The following PTPRD variants were observed in gnomAD, a reference collection of about 807,000 sequenced individuals.
PTPRD encodes protein tyrosine phosphatase receptor type D, also known as receptor-type tyrosine-protein phosphatase delta.
PTPRD carries 34 observed loss-of-function variants against 214.5 expected under a neutral mutation model. The observed-to-expected ratio is 0.16, with a 90% CI of 0.12 to 0.21. The LOEUF is 0.21. Ranked by LOEUF, PTPRD falls within the 10% of genes least tolerant of loss-of-function variation. PTPRD has a pLI of 1.00. For missense variants in PTPRD, 2,545 were observed against 2,398.7 expected, an observed-to-expected ratio of 1.06 and a Z score of -1.27; for synonymous variants, 1,128 against 845.7, an observed-to-expected ratio of 1.33 and a Z score of -5.79.
chr9:8,659,913 G>A (rs1390268265), intron 12 of PTPRD, among the ~76,000 whole-genome samples: 1 of 152,072 alleles, frequency 6.6e-6, no homozygotes, highest in Non-Finnish European at 1.5e-5. Flanking sequence ...ATTCACCAAT[G>A]AAGAATAAAT....
At position 8,633,419 on chromosome 9, in the gene PTPRD, T is replaced by A. The variant is rs529659376; in HGVS notation, c.250A>T (p.Ile84Leu). ...FDDGSGSVLRIQPLRTPRDEA... is the reference protein window; with the variant it reads ...FDDGSGSVLRLQPLRTPRDEA... The stretch of plus-strand genomic sequence containing the variant: ...TCCCTCGGAGTCCGTAAGGGTTGTA[T>A]TCTGAGAACTGATCCAGACCCATCG... The change falls in exon 14 of 46, where the codon ATA (isoleucine) becomes TTA (leucine). Residue 84 changes from isoleucine to leucine, a missense_variant. By Grantham distance (5) the Ile-to-Leu change is conservative (BLOSUM62 2). Transcript: ENST00000381196. The A allele has an allele frequency of 6.2e-7, 1 of 1,612,798 alleles. No individual in the cohort carries two copies. The highest frequency in any genetic ancestry group is 1.3e-5 in the African/African-American group (1 of 74,934).
At chr9:9,066,321 A>T (rs1569523758) in intron 10 of PTPRD, among the ~76,000 whole-genome samples, 1 of 152,070 alleles carries the variant, frequency 6.6e-6, no homozygotes, top group Non-Finnish European at 1.5e-5. Flanking sequence ...AGAATGTTTT[A>T]AAAAACATAT....
chr9:9,081,813 G>T (rs926012469), intron 10 of PTPRD, among the ~76,000 whole-genome samples: 2 of 149,336 alleles, frequency 1.3e-5, no homozygotes, highest in African/African-American at 2.5e-5. Context: ...GACTAGGATT[G>T]CAACTCCTGC....
intron 10 of PTPRD, among the ~76,000 whole-genome samples, chr9:9,082,362 G>C (rs1457364103): frequency 2.6e-5 from 4 of 152,032 alleles, no homozygotes; most frequent in African/African-American, 7.2e-5. Flanking sequence ...AATCACGTTT[G>C]TCTCAACAGA....
At position 9,967,458 on chromosome 9, in the gene PTPRD, T is replaced by C. The variant is rs2094783793; in HGVS notation, c.-471-28848A>G. The stretch of plus-strand genomic sequence containing the variant: ...TTAAGGATAGTGCAGAATCATTGGT[T>C]GAGAGAGGGAAGGAAGAAAACATTT... On this transcript the variant is annotated intron_variant, in intron 4 of 45. Transcript: ENST00000381196. 2.0e-5 allele frequency among the ~76,000 whole-genome samples: 3 copies of C among 152,148 alleles called. No individual in the cohort carries two copies. In the South Asian group the frequency reaches 6.2e-4, roughly 31 times the overall value.
chr9:9,395,995 C>T (rs2067659750), intron 9 of PTPRD, among the ~76,000 whole-genome samples: 3 of 151,976 alleles, frequency 2.0e-5, no homozygotes, highest in East Asian at 3.9e-4. Flanking sequence ...ATTTTGTTCA[C>T]TCACAAATTA....
chr9:9,096,232 G>A (rs939563848), intron 10 of PTPRD, among the ~76,000 whole-genome samples: 1 of 152,150 alleles, frequency 6.6e-6, no homozygotes, highest in Non-Finnish European at 1.5e-5. Flanking sequence ...AGCCACCGTT[G>A]CCACAAAATG....
chr9:8,701,033 T>C (rs1484387648), intron 12 of PTPRD: 1 of 151,994 alleles, frequency 6.6e-6, no homozygotes, highest in African/African-American at 2.4e-5. Context: ...TGGTGATGCG[T>C]GCCTGTAATC....
chr9:8,993,220 C>T (rs566035901), intron 11 of PTPRD, among the ~76,000 whole-genome samples: 1 of 152,252 alleles, frequency 6.6e-6, no homozygotes, highest in South Asian at 2.1e-4. Context: ...AGGTTAGAAC[C>T]ATTGTCCTCT....
In PTPRD at chr9:10,193,650, T is replaced by C. The variant is rs184261829; in HGVS notation, c.-545+147313A>G. The stretch of plus-strand genomic sequence containing the variant: ...AAAAAGATTCTTTTCAGGATGCCAA[T>C]AACCTGTTACAGAATTTCTTTGTAA... On this transcript the variant is annotated intron_variant, in intron 3 of 45. Coordinates refer to ENST00000381196, the MANE Select transcript of PTPRD (RefSeq NM_002839.4). 6.8e-4 allele frequency among the ~76,000 whole-genome samples: 103 copies of C among 152,270 alleles called. No individual in the cohort carries two copies. The East Asian group carries it at 0.014, about 21-fold the overall frequency.
intron 7 of PTPRD, among the ~76,000 whole-genome samples, chr9:9,714,369 C>G (rs1463384929): frequency 2.6e-5 from 4 of 152,206 alleles, no homozygotes; most frequent in Non-Finnish European, 5.9e-5. Context: ...GACTTGGCTT[C>G]TGTCCATAGC....
chr9:9,337,346 G>T (rs1159483302), intron 9 of PTPRD, among the ~76,000 whole-genome samples: 2 of 152,094 alleles, frequency 1.3e-5, no homozygotes, highest in Non-Finnish European at 2.9e-5. Flanking sequence ...TGCAGGTAGG[G>T]GGTGCTCTGT....
At chr9:9,100,638 G>C (rs568277102) in intron 10 of PTPRD, among the ~76,000 whole-genome samples, 1 of 152,188 alleles carries the variant, frequency 6.6e-6, no homozygotes, top group East Asian at 1.9e-4. Flanking sequence ...GACACAAACA[G>C]ATGTAAGCAT....
intron 7 of PTPRD, among the ~76,000 whole-genome samples, chr9:9,596,387 A>T (rs1480130907): frequency 6.6e-6 from 1 of 151,994 alleles, no homozygotes; most frequent in African/African-American, 2.4e-5. Context: ...GGTACCCTTT[A>T]CATTTCCTTA....
At chr9:8,576,597 A>G (rs2092390672) in intron 14 of PTPRD, among the ~76,000 whole-genome samples, 1 of 141,358 alleles carries the variant, frequency 7.1e-6, no homozygotes, top group Non-Finnish European at 1.5e-5. Context: ...TAGATATTTA[A>G]TCTTGTCTTT....
chr9:8,932,491 G>A (rs1360229515), intron 11 of PTPRD, among the ~76,000 whole-genome samples: 1 of 152,184 alleles, frequency 6.6e-6, no homozygotes, highest in Non-Finnish European at 1.5e-5. Context: ...TCCCCCAGGT[G>A]CTCTGTCGCA....
At chr9:9,634,515 A>G (rs1291193677) in intron 7 of PTPRD, among the ~76,000 whole-genome samples, 1 of 152,170 alleles carries the variant, frequency 6.6e-6, no homozygotes, top group Non-Finnish European at 1.5e-5. Context: ...TTTGCTGATT[A>G]TTTAAAATTC....
At chr9:10,168,498 A>T (rs1377275735) in intron 3 of PTPRD, among the ~76,000 whole-genome samples, 2 of 152,172 alleles carry the variant, frequency 1.3e-5, no homozygotes, top group Non-Finnish European at 2.9e-5. Flanking sequence ...TATTCCTAAC[A>T]TTTGCCTTTT....
At chr9:10,605,435 A>T (rs1217258583) in intron 2 of PTPRD, among the ~76,000 whole-genome samples, 1 of 151,888 alleles carries the variant, frequency 6.6e-6, no homozygotes, top group Non-Finnish European at 1.5e-5. Context: ...TATTTTTATC[A>T]TGCTTTACTG....
Sources: allele counts gnomAD v4.1 joint callset (sites outside exome capture counted in the v4.1 genomes callset), GRCh38; gene constraint gnomAD v4.1.1; transcripts MANE v1.5; gene names NCBI Gene and HGNC (gene_info 2026-07-23, HGNC 2026-07-21).